NRG2: variants seen among roughly 807,000 people sequenced by gnomAD.
The protein encoded by NRG2 is pro-neuregulin-2, membrane-bound isoform.
A neutral mutation model predicts 73.9 loss-of-function variants in NRG2; 27 were observed. The ratio of observed to expected loss-of-function variants is 0.37; its 90% CI spans 0.27 to 0.50. The LOEUF (loss-of-function observed/expected upper bound fraction) is 0.50, where lower values mean the gene tolerates loss of function less well. Ranked by LOEUF, NRG2 falls within the 20% of genes least tolerant of loss-of-function variation. The pLI is 0.96. For missense variants in NRG2, 1,126 were observed against 1,210.1 expected, an observed-to-expected ratio of 0.93 and a Z score of 1.03; for synonymous variants, 532 against 541.0, an observed-to-expected ratio of 0.98 and a Z score of 0.23.
rs1404653762 is a variant in NRG2 at position 139,848,274 on chromosome 5, C to T, written c.2196G>A (p.Ala732=). ...PPPPRPRARG[A]SRRTSAGPRR... Reference sequence around the variant, plus strand: ...GGGGCCCCGCCGACGTCCTGCGGGACGCACCGCGCGCGCGCGGCCGCGGCG... The same window carrying T: ...GGGGCCCCGCCGACGTCCTGCGGGATGCACCGCGCGCGCGCGGCCGCGGCG... The change falls in exon 10 of 10, where the codon GCG becomes GCA. Residue 732 remains alanine (A), a synonymous_variant. Coordinates refer to ENST00000361474, the MANE Select transcript of NRG2 (RefSeq NM_004883.3). The T allele has an allele frequency of 5.4e-6, 6 of 1,112,020 alleles. No individual in the cohort carries two copies. The highest frequency in any genetic ancestry group is 6.6e-6 in the Non-Finnish European group (6 of 913,122). The allele number at this position is 1,112,020 out of a possible 1,614,324, so 68.9% of individuals were successfully genotyped here. A position where few individuals can be genotyped will look rare whatever the true frequency, so the allele number is the denominator to read the frequency against.
chr5:140,041,105 C>A (rs1761880861), intron 1 of NRG2, among the ~76,000 whole-genome samples: 2 of 152,176 alleles, frequency 1.3e-5, no homozygotes, highest in Non-Finnish European at 2.9e-5. Flanking sequence ...GGCAGCAAAA[C>A]TTACTATAAG....
At chr5:139,881,491 C>T (rs1763524000) in intron 2 of NRG2, among the ~76,000 whole-genome samples, 1 of 152,232 alleles carries the variant, frequency 6.6e-6, no homozygotes, top group Non-Finnish European at 1.5e-5. Flanking sequence ...AAAATCAGCG[C>T]TGCCACTAAG....
At chr5:139,989,204 A>C (rs1349802815) in intron 1 of NRG2, among the ~76,000 whole-genome samples, 2 of 152,006 alleles carry the variant, frequency 1.3e-5, no homozygotes, top group Non-Finnish European at 2.9e-5. Flanking sequence ...TCCGGAATAG[A>C]TTCTGATTCT....
chr5:139,859,308 G>A (rs3756675), intron 5 of NRG2, among the ~76,000 whole-genome samples: 31,782 of 152,028 alleles, frequency 0.21, 5,561 homozygotes, highest in African/African-American at 0.48. Context: ...CATGGAGGGA[G>A]TGACAGCCTC....
chr5:139,852,627 A>G lies in NRG2; in HGVS notation c.1417-68T>C, dbSNP rs987909667. ...AAATGAACTCTTTCTTGTTGGGGAC[A>G]GGGAAGTGATGAGCACTGACTGAGC... On this transcript the variant is annotated intron_variant, in intron 7 of 9. Coordinates refer to ENST00000361474, the MANE Select transcript of NRG2 (RefSeq NM_004883.3). The surrounding 1 kb of genome is among the most constrained non-coding windows in gnomAD (Gnocchi z 4.4). 3.5e-5 allele frequency: 56 copies of G among 1,582,808 alleles called. 1 individual carries two copies. Among genetic ancestry groups the G allele is most frequent in the South Asian group, 2.6e-4 (22 of 83,690 alleles).
chr5:140,005,790 C>A (rs1758849576), intron 1 of NRG2, among the ~76,000 whole-genome samples: 1 of 152,070 alleles, frequency 6.6e-6, no homozygotes, highest in Non-Finnish European at 1.5e-5. Flanking sequence ...GCTCTTTTGC[C>A]AAGAGTGCCT....
At chr5:139,889,739 C>T (rs1254002707) in intron 1 of NRG2, among the ~76,000 whole-genome samples, 1 of 152,178 alleles carries the variant, frequency 6.6e-6, no homozygotes, top group Non-Finnish European at 1.5e-5. Context: ...GGGAGGATGG[C>T]TCTAGACTCA....
chr5:139,911,915 T>G (rs1008057704), intron 1 of NRG2, among the ~76,000 whole-genome samples: 2 of 152,196 alleles, frequency 1.3e-5, no homozygotes, highest in African/African-American at 4.8e-5. Context: ...TTTGCTGGCC[T>G]GGGGGCTCTG....
At chr5:140,017,933 T>G (rs1338715440) in intron 1 of NRG2, among the ~76,000 whole-genome samples, 1 of 152,010 alleles carries the variant, frequency 6.6e-6, no homozygotes, top group Non-Finnish European at 1.5e-5. Context: ...CAGGACATAG[T>G]GGGAGGACTG....
At chr5:139,938,784 G>C (rs967938053) in intron 1 of NRG2, among the ~76,000 whole-genome samples, 2 of 150,700 alleles carry the variant, frequency 1.3e-5, no homozygotes, top group African/African-American at 2.4e-5. Flanking sequence ...GGGATTCTTG[G>C]GGGGAAAAGG....
chr5:139,908,239 G>A (rs892815994), intron 1 of NRG2, among the ~76,000 whole-genome samples: 1 of 152,236 alleles, frequency 6.6e-6, no homozygotes, highest in Non-Finnish European at 1.5e-5. Context: ...GTTGAGGATG[G>A]TTTTTTGAGG....
At position 139,942,482 on chromosome 5, in the gene NRG2, A is replaced by G. The variant is rs115602597; in HGVS notation, c.701-54971T>C. On this transcript the variant is annotated intron_variant, in intron 1 of 9. Coordinates refer to ENST00000361474, the MANE Select transcript of NRG2 (RefSeq NM_004883.3). ...GTTGTACTGAGTTAGTGTTTTCCCA[A>G]CTATTCTCATCCGTAGTTATTCTAC... 3.9e-3 allele frequency among the ~76,000 whole-genome samples: 600 copies of G among 152,316 alleles called. 3 individuals are homozygous for G. Among genetic ancestry groups the G allele is most frequent in the African/African-American group, 0.014 (562 of 41,562 alleles).
chr5:139,927,016 T>C (rs539047996), intron 1 of NRG2, among the ~76,000 whole-genome samples: 230 of 152,304 alleles, frequency 1.5e-3, no homozygotes, highest in South Asian at 3.7e-3. Flanking sequence ...TCTGTGACCA[T>C]GGAAGGAAGA....
intron 1 of NRG2, among the ~76,000 whole-genome samples, chr5:139,986,891 T>A (rs1193515109): frequency 6.6e-6 from 1 of 152,148 alleles, no homozygotes; most frequent in Non-Finnish European, 1.5e-5. Flanking sequence ...CTTCGGTAAT[T>A]AATTAATTCT....
At chr5:140,022,508 A>G (rs570522955) in intron 1 of NRG2, among the ~76,000 whole-genome samples, 1 of 152,192 alleles carries the variant, frequency 6.6e-6, no homozygotes, top group Non-Finnish European at 1.5e-5. Flanking sequence ...TGCACAAAGA[A>G]AGCATCCAAT....
chr5:139,851,540 G>T lies in NRG2; in HGVS notation c.1772+64C>A. ...TGTTTCTGAGGGGCCCTAAGGGTCA[G>T]CCTTGGGCCAGTGGTGCCAGCCCTC... On this transcript the variant is annotated intron_variant, in intron 9 of 9. Coordinates refer to ENST00000361474, the MANE Select transcript of NRG2 (RefSeq NM_004883.3). This position sits in a 1 kb window ranked among gnomAD's most constrained non-coding sequence, Gnocchi z 4.2. 6.7e-7 allele frequency: 1 copy of T among 1,499,728 alleles called. No individual in the cohort carries two copies. Among genetic ancestry groups the T allele is most frequent in the Non-Finnish European group, 9.2e-7 (1 of 1,083,158 alleles). 92.9% of individuals were successfully genotyped at this position (1,499,728 alleles called of 1,614,324 possible).
intron 1 of NRG2, among the ~76,000 whole-genome samples, chr5:139,984,795 G>C (rs1440400740): frequency 1.3e-5 from 2 of 152,192 alleles, no homozygotes; most frequent in African/African-American, 4.8e-5. Flanking sequence ...AGTGATTTAG[G>C]ATCAACGTAA....
Position 139,887,439 on chromosome 5 carries a change from T to G in NRG2, c.773A>C (p.Glu258Ala). ...AGGCTGGGGATTACCGGCTGCTGCC[T>G]CACACTTCAGCGATTGCTTCTCACC... ...QVGEKQSLKCEAAAGNPQPSY... is the reference protein window; with the variant it reads ...QVGEKQSLKCAAAAGNPQPSY... Residue 258 changes from glutamate to alanine, a missense_variant, in exon 2 of 10, where the codon GAG (glutamate) becomes GCG (alanine). Around this residue, in one of 3 missense-constraint regions of NRG2, gnomAD observed 539 missense variants for 703.2 expected, o/e 0.77. Coordinates refer to ENST00000361474, the MANE Select transcript of NRG2 (RefSeq NM_004883.3). The surrounding 1 kb of genome is among the most constrained non-coding windows in gnomAD (Gnocchi z 4.5). The G allele has an allele frequency of 6.2e-7, 1 of 1,614,240 alleles. No homozygotes were observed. Among genetic ancestry groups the G allele is most frequent in the Non-Finnish European group, 8.5e-7 (1 of 1,180,032 alleles).
chr5:139,943,828 C>T (rs543877750), intron 1 of NRG2, among the ~76,000 whole-genome samples: 1 of 152,276 alleles, frequency 6.6e-6, no homozygotes, highest in South Asian at 2.1e-4. Flanking sequence ...TGCAGCAGTG[C>T]AGTGAGGGGA....
Sources: allele counts gnomAD v4.1 joint callset (sites outside exome capture counted in the v4.1 genomes callset), GRCh38; gene constraint gnomAD v4.1.1; regional missense constraint gnomAD v4.1.1; non-coding constraint Gnocchi (gnomAD v3.1); transcripts MANE v1.5; gene names NCBI Gene and HGNC (gene_info 2026-07-23, HGNC 2026-07-21).